PCSK5: variants seen among roughly 807,000 people sequenced by gnomAD.
The protein encoded by PCSK5 is prohormone convertase 5.
A neutral mutation model predicts 233.2 loss-of-function variants in PCSK5; 129 were observed. The ratio of observed to expected loss-of-function variants is 0.55; its 90% CI spans 0.48 to 0.64. The LOEUF is 0.64. Ranked by LOEUF, PCSK5 falls within the 30% of genes least tolerant of loss-of-function variation. PCSK5 has a pLI of 0.00. For synonymous variants in PCSK5, 825 were observed against 879.2 expected (o/e 0.94, Z 1.09); for missense variants, 2,076 against 2,430.1 (o/e 0.85, Z 3.06).
At chr9:76,268,267 C>T (rs1047653115) in intron 24 of PCSK5, among the ~76,000 whole-genome samples, 2 of 152,122 alleles carry the variant, frequency 1.3e-5, no homozygotes, top group African/African-American at 4.8e-5. Context: ...TTTCCCTTTT[C>T]TTCCCCACCC....
intron 20 of PCSK5, among the ~76,000 whole-genome samples, chr9:76,197,095 T>C (rs1404055184): frequency 6.6e-6 from 1 of 152,206 alleles, no homozygotes; most frequent in East Asian, 1.9e-4. Context: ...ATGAACTTGC[T>C]CCAGTTACCA....
At chr9:75,901,203 A>G (rs577733836) in intron 1 of PCSK5, among the ~76,000 whole-genome samples, 258 of 152,320 alleles carry the variant, frequency 1.7e-3, no homozygotes, top group African/African-American at 6.1e-3. Context: ...TTACAATAGC[A>G]AAGACTTGGA....
intron 24 of PCSK5, 120 bp from the exon 25 acceptor site, chr9:76,292,113 C>T (rs1828294871): frequency 1.5e-6 from 1 of 674,228 alleles, no homozygotes; most frequent in East Asian, 2.5e-5. Context: ...TATTTCTGGA[C>T]AGTACATTTC....
At chr9:76,063,861 G>A (rs1360358690) in intron 5 of PCSK5, among the ~76,000 whole-genome samples, 3 of 61,526 alleles carry the variant, frequency 4.9e-5, no homozygotes, top group Non-Finnish European at 8.6e-5. Context: ...TCCCAGACGG[G>A]GTGGTGGCCG....
At chr9:76,003,396 T>G (rs1430902743) in intron 3 of PCSK5, among the ~76,000 whole-genome samples, 1 of 152,160 alleles carries the variant, frequency 6.6e-6, no homozygotes, top group Admixed American at 6.5e-5. Flanking sequence ...TAAAATAGTG[T>G]CTGTGATTTT....
At chr9:76,072,956 C>T (rs1336033897) in intron 7 of PCSK5, among the ~76,000 whole-genome samples, 1 of 152,206 alleles carries the variant, frequency 6.6e-6, no homozygotes, top group Non-Finnish European at 1.5e-5. Flanking sequence ...TGCTTTATAT[C>T]AGAGTTAGTT....
intron 1 of PCSK5, among the ~76,000 whole-genome samples, chr9:75,920,883 T>G (rs1252942453): frequency 6.6e-6 from 1 of 152,168 alleles, no homozygotes; most frequent in Non-Finnish European, 1.5e-5. Flanking sequence ...TTTACCAGTA[T>G]GAAAAAATAC....
intron 5 of PCSK5, among the ~76,000 whole-genome samples, chr9:76,027,842 C>T (rs62558818): frequency 5.9e-5 from 9 of 152,022 alleles, no homozygotes; most frequent in Non-Finnish European, 1.3e-4. Context: ...TAGATACTTT[C>T]ATTTGAATTT....
At chr9:76,177,639 C>CA (rs999430024) in intron 14 of PCSK5, among the ~76,000 whole-genome samples, 41 of 152,140 alleles carry the variant, frequency 2.7e-4, no homozygotes, top group African/African-American at 9.4e-4. Context: ...AAAGTAGATC[C>CA]AAAAAACATA....
chr9:75,913,798 C>CT (rs992370721), intron 1 of PCSK5, among the ~76,000 whole-genome samples: 60 of 151,094 alleles, frequency 4.0e-4, no homozygotes, highest in Admixed American at 7.9e-4. Context: ...TTTGGCATTC[C>CT]TTTTTTTTTG....
At chr9:76,332,662 T>C (rs1236608602) in intron 34 of PCSK5, 52 bp downstream of exon 34, 9 of 1,300,952 alleles carry the variant, frequency 6.9e-6, no homozygotes, top group Admixed American at 4.5e-5. Context: ...ACAGCAGATA[T>C]CAACCCATTT....
chr9:76,147,509 A>G (rs56295573), intron 10 of PCSK5, among the ~76,000 whole-genome samples: 25,287 of 152,136 alleles, frequency 0.17, 2,654 homozygotes, highest in Non-Finnish European at 0.23. Context: ...CCCCGGACCA[A>G]CAATATACCA....
chr9:76,323,048 C>T lies in PCSK5; in HGVS notation c.4103-4C>T, dbSNP rs554335715. 605 of 1,554,166 alleles carry T rather than the reference C, an allele frequency of 3.9e-4. 1 individual carries two copies. The highest frequency in any genetic ancestry group is 6.8e-4 in the Admixed American group (38 of 55,526). On this transcript the variant is annotated splice_polypyrimidine_tract_variant and splice_region_variant and intron_variant, in intron 31 of 37. Transcript: ENST00000674117. ...GATAACTTGCTGCTTCCTCCTTTTC[C>T]CAGAGTGCACGCCTGAGTTCTTCCT...
At chr9:75,899,343 T>C (rs924141522) in intron 1 of PCSK5, among the ~76,000 whole-genome samples, 3 of 152,192 alleles carry the variant, frequency 2.0e-5, no homozygotes, top group African/African-American at 7.2e-5. Flanking sequence ...AATTTACATA[T>C]TTATTGTCTT....
intron 3 of PCSK5, among the ~76,000 whole-genome samples, chr9:76,009,255 A>G (rs1827617271): frequency 6.6e-6 from 1 of 152,194 alleles, no homozygotes; most frequent in Non-Finnish European, 1.5e-5. Context: ...AAAAGGTTCA[A>G]TTCTATTCAA....
intron 10 of PCSK5, among the ~76,000 whole-genome samples, 198 bp from the exon 11 acceptor site, chr9:76,156,847 T>G (rs1822607996): frequency 1.3e-5 from 2 of 152,234 alleles, no homozygotes; most frequent in Admixed American, 1.3e-4. Flanking sequence ...CTGGTAGTGA[T>G]AGATAGTCAA....
chr9:75,926,534 A>G (rs1383172596), intron 1 of PCSK5, among the ~76,000 whole-genome samples: 2 of 152,196 alleles, frequency 1.3e-5, no homozygotes, highest in Admixed American at 6.5e-5. Flanking sequence ...TTTGCACTTT[A>G]TGGGATTACC....
At chr9:75,941,096 A>G (rs1824281285) in intron 2 of PCSK5, among the ~76,000 whole-genome samples, 1 of 152,144 alleles carries the variant, frequency 6.6e-6, no homozygotes, top group Non-Finnish European at 1.5e-5. Context: ...TGTGTAGGCC[A>G]CTGCTGCATT....
At chr9:75,944,617 T>A (rs1194319441) in intron 2 of PCSK5, among the ~76,000 whole-genome samples, 1 of 152,116 alleles carries the variant, frequency 6.6e-6, no homozygotes, top group Admixed American at 6.5e-5. Flanking sequence ...CTGTCTTTGT[T>A]GAGGGCACAT....
Sources: gnomAD v4.1 joint callset for allele counts (sites outside exome capture counted in the v4.1 genomes callset) on GRCh38, gnomAD v4.1.1 for gene constraint, MANE v1.5 for transcripts, NCBI Gene and HGNC (gene_info 2026-07-23, HGNC 2026-07-21) for gene names.